The following AS3MT variants were observed in gnomAD, a reference collection of about 807,000 sequenced individuals.
The protein encoded by AS3MT is arsenite methyltransferase, also known as S-adenosyl-L-methionine:arsenic(III) methyltransferase.
AS3MT carries 47 observed loss-of-function variants against 45.3 expected under a neutral mutation model. The observed-to-expected ratio is 1.04, with a 90% confidence interval of 0.82 to 1.32. The LOEUF (loss-of-function observed/expected upper bound fraction) is 1.32. Ranked by LOEUF, AS3MT falls within the 40% of genes most tolerant of loss-of-function variation. The pLI is 0.00. For synonymous variants in AS3MT, 141 were observed against 152.8 expected (o/e 0.92, Z 0.57); for missense variants, 396 against 451.1 (o/e 0.88, Z 1.11).
Position 102,892,985 on chromosome 10 carries a change from AAAATAAATAAAT to A in AS3MT, c.1020+2342_1020+2353del, listed in dbSNP as rs35801309. ...TGGCAACAGAGTGAGACTCTGTCTC[AAAATAAATAAAT>A]AAATAAATAAATAAATAAATAAATA... On this transcript the variant is annotated intron_variant, in intron 10 of 10. Transcript: ENST00000369880. Among the ~76,000 whole-genome samples the A allele has an allele frequency of 3.4e-3, 477 of 138,354 alleles. 7 individuals carry two copies. Among genetic ancestry groups the A allele is most frequent in the Admixed American group, 2.2e-3 (29 of 13,486 alleles). 90.8% of individuals were successfully genotyped at this position (138,354 alleles called of 152,430 possible). A position where few individuals can be genotyped will look rare whatever the true frequency, so the allele number is the denominator to read the frequency against.
chr10:102,890,520 A>AT lies in AS3MT; in HGVS notation c.886-15dup, dbSNP rs527486508. 278 of 1,492,538 alleles carry AT rather than the reference A, an allele frequency of 1.9e-4. 1 individual carries two copies. The highest frequency in any genetic ancestry group is 7.5e-4 in the South Asian group (58 of 77,424). The allele number at this position is 1,492,538 out of a possible 1,614,324, so 92.5% of individuals were successfully genotyped here. On this transcript the variant is annotated intron_variant, in intron 9 of 10. Transcript: ENST00000369880. ...TGAGACTAAAGTTGCAACTCTTAGT[A>AT]TTTTTTTTTATACTACCCTTTAGGA...
chr10:102,897,016 G>A (rs989117714), intron 10 of AS3MT, among the ~76,000 whole-genome samples: 1 of 152,136 alleles, frequency 6.6e-6, no homozygotes, highest in Non-Finnish European at 1.5e-5. Flanking sequence ...AAAGCTGCTG[G>A]TGAGAATCAA....
At chr10:102,888,877 A>ATTTTTT (rs1328370210) in intron 9 of AS3MT, among the ~76,000 whole-genome samples, 49 of 47,742 alleles carry the variant, frequency 1.0e-3, no homozygotes, top group African/African-American at 1.8e-3. Context: ...ATATATATAT[A>ATTTTTT]TATATTTTTT....
At chr10:102,872,415 C>G in intron 3 of AS3MT, 33 bp from the exon 4 acceptor site, 1 of 1,611,198 alleles carries the variant, frequency 6.2e-7, no homozygotes, top group Non-Finnish European at 8.5e-7. Flanking sequence ...CTTACAGTCT[C>G]CAGGGAAAAA....
Position 102,873,083 on chromosome 10 carries a change from T to A in AS3MT, c.322-14T>A, listed in dbSNP as rs1844720678. On this transcript the variant is annotated splice_polypyrimidine_tract_variant and intron_variant, in intron 4 of 10. Coordinates refer to ENST00000369880, the MANE Select transcript of AS3MT (RefSeq NM_020682.4). ...TTTCAAAATGTTATCAAAACTATAT[T>A]TTTCTTACTTTAGGTGGAAGTGGCT... is the stretch of plus-strand genomic sequence containing the variant. 7 of 1,556,794 alleles carry A rather than the reference T, an allele frequency of 4.5e-6. No individual in the cohort carries two copies. Among genetic ancestry groups the A allele is most frequent in the Non-Finnish European group, 6.0e-6 (7 of 1,159,562 alleles).
At chr10:102,889,943 T>A (rs1370049547) in intron 9 of AS3MT, among the ~76,000 whole-genome samples, 1 of 151,870 alleles carries the variant, frequency 6.6e-6, no homozygotes, top group Admixed American at 6.6e-5. Flanking sequence ...CCCAAAGTGC[T>A]GGGATTACAT....
intron 3 of AS3MT, among the ~76,000 whole-genome samples, chr10:102,872,037 C>T (rs1323956618): frequency 6.6e-6 from 1 of 151,982 alleles, no homozygotes; most frequent in African/African-American, 2.4e-5. Context: ...TACCTGCTAC[C>T]GTGCCCAGCT....
In AS3MT at chr10:102,870,694, C is replaced by T. The variant is rs946049607; in HGVS notation, c.170+483C>T. 9.9e-5 allele frequency among the ~76,000 whole-genome samples: 15 copies of T among 152,156 alleles called. 1 individual carries two copies. The highest frequency in any genetic ancestry group is 7.4e-5 in the Non-Finnish European group (5 of 68,022). Reference sequence around the variant, plus strand: ...TCAGCACCCACTAATCAACCTTGGCCCTTTTGACCCTTCCCTTCCTCACTC... The same window carrying T: ...TCAGCACCCACTAATCAACCTTGGCTCTTTTGACCCTTCCCTTCCTCACTC... On this transcript the variant is annotated intron_variant, in intron 3 of 10. Coordinates refer to ENST00000369880, the MANE Select transcript of AS3MT (RefSeq NM_020682.4).
At position 102,892,849 on chromosome 10, in the gene AS3MT, G is replaced by A. The variant is rs368038818; in HGVS notation, c.1020+2171G>A. ...AAATAAATTAGATGGGCATGGTGGC[G>A]TGCGCCTGTAGTCCCAGCTACTTGG... On this transcript the variant is annotated intron_variant, in intron 10 of 10. Coordinates refer to ENST00000369880, the MANE Select transcript of AS3MT (RefSeq NM_020682.4). Among the ~76,000 whole-genome samples, 278 of 151,940 alleles carry A rather than the reference G, an allele frequency of 1.8e-3. 6 individuals are homozygous for A. In the South Asian group the frequency reaches 0.057, roughly 31 times the overall value.
rs866781767 is a variant in AS3MT, at chr10:102,888,867, A to T, written c.886-1677A>T. Among the ~76,000 whole-genome samples, 42 of 88,644 alleles carry T rather than the reference A, an allele frequency of 4.7e-4. 2 individuals carry two copies. The highest frequency in any genetic ancestry group is 1.2e-3 in the South Asian group (3 of 2,558). 58.2% of individuals were successfully genotyped at this position (88,644 alleles called of 152,430 possible). ...CATCAAACCCTATATATATATATAT[A>T]TATATATATATATATTTTTTTTTTT... is the stretch of plus-strand genomic sequence containing the variant. On this transcript the variant is annotated intron_variant, in intron 9 of 10. Transcript: ENST00000369880.
intron 10 of AS3MT, among the ~76,000 whole-genome samples, chr10:102,896,071 C>T (rs1230252002): frequency 2.0e-5 from 3 of 151,670 alleles, no homozygotes; most frequent in African/African-American, 4.8e-5. Flanking sequence ...CCACCGTGCC[C>T]GGCCAATCCC....
rs117959428 is a variant in AS3MT, at chr10:102,887,206, C to G, written c.886-3338C>G. 4.1e-3 allele frequency among the ~76,000 whole-genome samples: 626 copies of G among 152,262 alleles called. 19 individuals are homozygous for G. In the East Asian group the frequency reaches 0.071, roughly 17 times the overall value. ...AGAAAGATACTTGTTATGATGTCTA[C>G]TTTTCTGAATTTGTTAAGACTTGTT... On this transcript the variant is annotated intron_variant, in intron 9 of 10. Transcript: ENST00000369880.
chr10:102,877,670 C>T (rs368863497), intron 7 of AS3MT, among the ~76,000 whole-genome samples: 90 of 149,882 alleles, frequency 6.0e-4, no homozygotes, highest in African/African-American at 1.9e-3. Flanking sequence ...CCTAGGAGTT[C>T]AGGTACAGCC....
At position 102,881,370 on chromosome 10, in the gene AS3MT, G is replaced by T. The variant is rs571185993; in HGVS notation, c.885+2379G>T. Among the ~76,000 whole-genome samples the T allele has an allele frequency of 1.3e-5, 2 of 152,332 alleles. No individual in the cohort carries two copies. The highest frequency in any genetic ancestry group is 4.1e-4 in the South Asian group (2 of 4,828). ...ATTACTGAATCCAGAACAAAATTAT[G>T]CTAAATCTCTCTGGTAATTAACTAA... is the stretch of plus-strand genomic sequence containing the variant. On this transcript the variant is annotated intron_variant, in intron 9 of 10. Transcript: ENST00000369880. This position sits in a 1 kb window ranked among gnomAD's most constrained non-coding sequence, Gnocchi z 4.2.
In AS3MT at chr10:102,872,447, G is replaced by A; in HGVS notation, c.171-1G>A. ...AAAAATATGTGTTTTCCATTTCCCA[G>A]ATATTATGGCTGTGGTCTGGTGATC... On this transcript the variant is annotated splice_acceptor_variant, in intron 3 of 10. Transcript: ENST00000369880. LOFTEE classifies it high-confidence loss of function. 1 of 1,613,542 alleles carries A rather than the reference G, an allele frequency of 6.2e-7. No homozygotes were observed. Among genetic ancestry groups the A allele is most frequent in the African/African-American group, 1.3e-5 (1 of 75,014 alleles).
intron 10 of AS3MT, among the ~76,000 whole-genome samples, chr10:102,894,235 C>T (rs1201212889): frequency 6.6e-6 from 1 of 151,702 alleles, no homozygotes; most frequent in Admixed American, 6.6e-5. Context: ...ACCAGCCTGG[C>T]CAACATAGTG....
chr10:102,884,486 T>A (rs1167379465), intron 9 of AS3MT, among the ~76,000 whole-genome samples: 1 of 132,334 alleles, frequency 7.6e-6, no homozygotes, highest in African/African-American at 2.8e-5. Context: ...CCACATATAA[T>A]CTAGCGAGGT....
At position 102,900,737 on chromosome 10, in the gene AS3MT, G is replaced by A; in HGVS notation, c.*37G>A. On this transcript the variant is annotated 3_prime_UTR_variant, in exon 11 of 11. Coordinates refer to ENST00000369880, the MANE Select transcript of AS3MT (RefSeq NM_020682.4). Reference sequence around the variant, plus strand: ...ACCAGGGGACCACAGTAGTGGGCAAGAGTGATCTGCATGTTTTTTAACCTG... The same window carrying A: ...ACCAGGGGACCACAGTAGTGGGCAAAAGTGATCTGCATGTTTTTTAACCTG... The A allele has an allele frequency of 1.8e-5, 27 of 1,488,904 alleles. No homozygotes were observed. The highest frequency in any genetic ancestry group is 2.2e-5 in the Non-Finnish European group (23 of 1,065,986). 92.2% of individuals were successfully genotyped at this position (1,488,904 alleles called of 1,614,324 possible).
intron 10 of AS3MT, among the ~76,000 whole-genome samples, chr10:102,897,055 T>C (rs1018045697): frequency 2.0e-5 from 3 of 152,094 alleles, no homozygotes; most frequent in Admixed American, 1.3e-4. Context: ...TTTATCATTC[T>C]AATTCTTCTA....
Sources: allele counts gnomAD v4.1 joint callset (sites outside exome capture counted in the v4.1 genomes callset), GRCh38; gene constraint gnomAD v4.1.1; non-coding constraint Gnocchi (gnomAD v3.1); transcripts MANE v1.5; gene names NCBI Gene and HGNC (gene_info 2026-07-23, HGNC 2026-07-21).